The following PPP1R21 variants were observed in gnomAD, a reference collection of about 807,000 sequenced individuals.
The protein encoded by PPP1R21 is KLRAQ motif containing 1.
Under a neutral mutation model 112.8 loss-of-function variants are expected in PPP1R21, and 85 were observed. The observed-to-expected ratio is 0.75, with a 90% CI of 0.63 to 0.90. PPP1R21 has a LOEUF of 0.90. PPP1R21 is among the 40% of genes least tolerant of loss of function. PPP1R21 has a pLI of 0.00. For missense variants in PPP1R21, 1,199 were observed against 901.5 expected (o/e 1.33, Z -4.23); for synonymous variants, 381 against 322.3 (o/e 1.18, Z -1.95).
chr2:48,491,730 T>C (rs1193185936), intron 15 of PPP1R21, among the ~76,000 whole-genome samples: 1 of 152,162 alleles, frequency 6.6e-6, no homozygotes, highest in African/African-American at 2.4e-5. Flanking sequence ...AGAATGTATT[T>C]AGGTGCATGT....
At chr2:48,450,114 G>A (rs968082690) in intron 1 of PPP1R21, among the ~76,000 whole-genome samples, 4 of 152,068 alleles carry the variant, frequency 2.6e-5, no homozygotes, top group African/African-American at 4.8e-5. Context: ...GTGAAAAAAA[G>A]CCCAAGTTTT....
chr2:48,498,478 CTG>C lies in PPP1R21; in HGVS notation c.1693-13_1693-12del, dbSNP rs1299438478. Reference sequence around the variant, plus strand: ...GTATTAGTCTCTAAGATACAACACTCTGTTACTTTTCAAGGTTCAACAGAGTT... The same window carrying C: ...GTATTAGTCTCTAAGATACAACACTCTTACTTTTCAAGGTTCAACAGAGTT... On this transcript the variant is annotated splice_polypyrimidine_tract_variant and intron_variant, in intron 16 of 21. Transcript: ENST00000294952. 6.2e-7 allele frequency: 1 copy of C among 1,613,506 alleles called. No individual in the cohort carries two copies. The highest frequency in any genetic ancestry group is 8.5e-7 in the Non-Finnish European group (1 of 1,179,686).
chr2:48,460,721 G>C (rs891414526), intron 6 of PPP1R21, among the ~76,000 whole-genome samples: 4 of 128,396 alleles, frequency 3.1e-5, no homozygotes, highest in African/African-American at 1.2e-4. Flanking sequence ...ACCAAACACA[G>C]AAAGAGTTCA....
intron 17 of PPP1R21, chr2:48,501,807 T>A: frequency 6.6e-6 from 1 of 151,026 alleles, no homozygotes; most frequent in East Asian, 1.9e-4. Flanking sequence ...AGGCCTTGAC[T>A]CTAAAAAAAA....
chr2:48,456,345 A>G (rs996190742), intron 3 of PPP1R21, among the ~76,000 whole-genome samples: 2 of 151,826 alleles, frequency 1.3e-5, no homozygotes, highest in African/African-American at 4.8e-5. Flanking sequence ...GTATTGAGGC[A>G]GTAACAGTAG....
intron 16 of PPP1R21, 29 bp downstream of exon 16, chr2:48,495,800 G>T: frequency 7.9e-7 from 1 of 1,268,212 alleles, no homozygotes; most frequent in Non-Finnish European, 1.2e-6. Flanking sequence ...TATGGAAATT[G>T]TTAAAGAACA....
chr2:48,496,853 G>C (rs1333027677), intron 16 of PPP1R21, among the ~76,000 whole-genome samples: 3 of 152,190 alleles, frequency 2.0e-5, no homozygotes, highest in Non-Finnish European at 2.9e-5. Flanking sequence ...AGCCCAAGAG[G>C]GCAGGGTTTG....
At chr2:48,454,267 T>G (rs935945797) in intron 2 of PPP1R21, among the ~76,000 whole-genome samples, 1 of 151,326 alleles carries the variant, frequency 6.6e-6, no homozygotes, top group Non-Finnish European at 1.5e-5. Flanking sequence ...TCTCAAAAAA[T>G]AAATAAATAA....
At chr2:48,470,767 G>C (rs1247122572) in intron 9 of PPP1R21, among the ~76,000 whole-genome samples, 1 of 152,122 alleles carries the variant, frequency 6.6e-6, no homozygotes, top group African/African-American at 2.4e-5. Flanking sequence ...GTTGGTCCTA[G>C]GTTCTAATGC....
chr2:48,472,239 C>CAAAAAAAAA (rs57711610), intron 11 of PPP1R21, among the ~76,000 whole-genome samples: 2 of 43,034 alleles, frequency 4.6e-5, no homozygotes, highest in African/African-American at 9.7e-5. Flanking sequence ...GACTCCATCT[C>CAAAAAAAAA]AAAAAAAAAA....
intron 15 of PPP1R21, 127 bp from the exon 16 acceptor site, chr2:48,495,552 A>G (rs188063150): frequency 2.2e-4 from 132 of 609,348 alleles, no homozygotes; most frequent in African/African-American, 2.1e-3. Flanking sequence ...TATTAAAGAA[A>G]ATAGTCTGCT....
Position 48,507,310 on chromosome 2 carries a change from C to T in PPP1R21, c.2010C>T (p.His670=), listed in dbSNP as rs778709554. The T allele has an allele frequency of 6.3e-7, 1 of 1,577,170 alleles. No individual in the cohort carries two copies. The highest frequency in any genetic ancestry group is 8.6e-7 in the Non-Finnish European group (1 of 1,165,866). ...VESREDLIKN[H]YMARIVELTS... ...CTCGTGAAGACTTAATTAAAAATCA[C>T]TACATGGCAAGGATAGTGGAACTTA... The change falls in exon 19 of 22, where the codon CAC becomes CAT. Residue 670 remains histidine, a synonymous_variant. Coordinates refer to ENST00000294952, the MANE Select transcript of PPP1R21 (RefSeq NM_001135629.3).
intron 16 of PPP1R21, 40 bp from the exon 17 acceptor site, chr2:48,498,453 G>A (rs746824294): frequency 6.2e-7 from 1 of 1,608,796 alleles, no homozygotes; most frequent in East Asian, 2.2e-5. Context: ...AGGTTTATCT[G>A]TATTAGTCTC....
At chr2:48,504,756 C>G (rs924735228) in intron 17 of PPP1R21, among the ~76,000 whole-genome samples, 2 of 152,216 alleles carry the variant, frequency 1.3e-5, no homozygotes, top group African/African-American at 2.4e-5. Context: ...CATGCCCCAC[C>G]ACCTTGAACA....
intron 9 of PPP1R21, among the ~76,000 whole-genome samples, chr2:48,470,211 C>T (rs1320048309): frequency 2.0e-5 from 3 of 152,000 alleles, no homozygotes; most frequent in East Asian, 1.9e-4. Flanking sequence ...TTAAGGTTAT[C>T]AGTGACAGTT....
intron 17 of PPP1R21, among the ~76,000 whole-genome samples, chr2:48,505,279 C>A (rs1311464637): frequency 6.6e-6 from 1 of 152,202 alleles, no homozygotes. Flanking sequence ...AGCTGATCTT[C>A]TCTTCTCTCC....
In PPP1R21 at chr2:48,508,377, T is replaced by TA. The variant is rs1670484187; in HGVS notation, c.2085+993dup. Among the ~76,000 whole-genome samples the TA allele has an allele frequency of 2.6e-5, 4 of 152,330 alleles. No homozygotes were observed. The South Asian group carries it at 8.3e-4, about 32-fold the overall frequency. On this transcript the variant is annotated intron_variant, in intron 19 of 21. Coordinates refer to ENST00000294952, the MANE Select transcript of PPP1R21 (RefSeq NM_001135629.3). ...GACCTGACTTTTTGATTTTCTCTTA[T>TA]ACTAGAGTTGAAGAGGTTGATAGGA...
At chr2:48,505,100 T>G (rs1281051956) in intron 17 of PPP1R21, among the ~76,000 whole-genome samples, 2 of 152,268 alleles carry the variant, frequency 1.3e-5, no homozygotes, top group African/African-American at 4.8e-5. Flanking sequence ...ACTCATGTCA[T>G]AATAACTATA....
In PPP1R21 at chr2:48,471,294, T is replaced by C; in HGVS notation, c.1015T>C (p.Leu339=). ...TCTTTTCCAGGAGACAACTGTGAAA[T>C]TGAAAACTTTTTCAGAACACTTAAC... ...TVTVLETTVK[L]KTFSEHLTSY... is the part of the protein sequence containing the mutation. Residue 339 remains leucine (L), a synonymous_variant, in exon 11 of 22, where the codon TTG becomes CTG. Transcript: ENST00000294952. 1.2e-6 allele frequency: 2 copies of C among 1,611,818 alleles called. No individual in the cohort carries two copies. Among genetic ancestry groups the C allele is most frequent in the Non-Finnish European group, 1.7e-6 (2 of 1,179,138 alleles).
Sources: gnomAD v4.1 joint callset for allele counts (sites outside exome capture counted in the v4.1 genomes callset) on GRCh38, gnomAD v4.1.1 for gene constraint, MANE v1.5 for transcripts, NCBI Gene and HGNC (gene_info 2026-07-23, HGNC 2026-07-21) for gene names.